The following TNFRSF11B variants were observed in gnomAD, a reference collection of about 807,000 sequenced individuals.
TNFRSF11B encodes the protein TNF receptor superfamily member 11b.
TNFRSF11B carries 16 observed loss-of-function variants against 43.4 expected under a neutral mutation model. That is an observed-to-expected ratio of 0.37 (90% CI 0.25 to 0.56). The LOEUF (loss-of-function observed/expected upper bound fraction) is 0.56. Among genes scored for constraint, TNFRSF11B ranks in the 20% least tolerant of loss-of-function variants. TNFRSF11B has a pLI of 0.80. For missense variants in TNFRSF11B, 444 were observed against 490.1 expected, an observed-to-expected ratio of 0.91 and a Z score of 0.89; for synonymous variants, 185 against 181.8, an observed-to-expected ratio of 1.02 and a Z score of -0.14.
At chr8:118,946,980 A>G (rs762055492) in intron 1 of TNFRSF11B, among the ~76,000 whole-genome samples, 18 of 152,174 alleles carry the variant, frequency 1.2e-4, no homozygotes, top group Non-Finnish European at 1.9e-4. Context: ...CACAGTCCCA[A>G]CTGGATGGGA....
intron 1 of TNFRSF11B, among the ~76,000 whole-genome samples, chr8:118,945,574 C>T (rs1357032889): frequency 6.6e-6 from 1 of 152,088 alleles, no homozygotes; most frequent in East Asian, 1.9e-4. Context: ...AGTATTGTCA[C>T]CATGACCCAC....
chr8:118,928,706 T>G, intron 3 of TNFRSF11B, 32 bp downstream of exon 3: 4 of 1,610,322 alleles, frequency 2.5e-6, no homozygotes, highest in Non-Finnish European at 3.4e-6. Flanking sequence ...TACTACAAAA[T>G]CGTACAAAGA....
chr8:118,940,139 T>C (rs1052016194), intron 1 of TNFRSF11B, among the ~76,000 whole-genome samples: 5 of 152,066 alleles, frequency 3.3e-5, no homozygotes, highest in African/African-American at 2.4e-5. Flanking sequence ...ATGAGATTAC[T>C]TGGACACAGG....
chr8:118,951,794 CG>C lies in TNFRSF11B; in HGVS notation c.27del (p.Val10CysfsTer41). MNNLLCCA[L>X]VFLDISIKWT... The stretch of plus-strand genomic sequence containing the variant: ...CGTCGGCTGGCCCAGGGACTTACCA[CG>C]AGCGCGCAGCACAGCAAGTTGTTCA... On this transcript the variant is annotated frameshift_variant, in exon 1 of 5. Coordinates refer to ENST00000297350, the MANE Select transcript of TNFRSF11B (RefSeq NM_002546.4). LOFTEE classifies it high-confidence loss of function. 1 of 1,592,242 alleles carries C rather than the reference CG, an allele frequency of 6.3e-7. No individual in the cohort carries two copies. The highest frequency in any genetic ancestry group is 8.5e-7 in the Non-Finnish European group (1 of 1,169,596).
intron 2 of TNFRSF11B, 55 bp downstream of exon 2, chr8:118,932,876 A>G: frequency 1.2e-6 from 2 of 1,610,640 alleles, no homozygotes; most frequent in South Asian, 2.2e-5. Flanking sequence ...CTAAACTGTC[A>G]CAACTATCTG....
At chr8:118,928,424 C>T (rs1372992618) in intron 3 of TNFRSF11B, among the ~76,000 whole-genome samples, 1 of 152,178 alleles carries the variant, frequency 6.6e-6, no homozygotes, top group African/African-American at 2.4e-5. Flanking sequence ...AACTTGAATT[C>T]TACAGTTTGG....
intron 3 of TNFRSF11B, among the ~76,000 whole-genome samples, chr8:118,928,012 A>ATGTG (rs58489703): frequency 0.048 from 6,951 of 145,204 alleles, 199 homozygotes; most frequent in African/African-American, 0.075. Flanking sequence ...CACATTTCTA[A>ATGTG]TGTGTGTGTG....
chr8:118,943,659 GAAATATGGTATGTAAGGTCCAAATAC>G (rs1812519238), intron 1 of TNFRSF11B, among the ~76,000 whole-genome samples: 1 of 152,120 alleles, frequency 6.6e-6, no homozygotes. Context: ...AAAATTAAGT[GAAATATGGTATGTAAGGTCCAAATAC>G]AGTACCTATT....
chr8:118,926,929 G>A (rs1812253688), intron 3 of TNFRSF11B, among the ~76,000 whole-genome samples: 1 of 152,056 alleles, frequency 6.6e-6, no homozygotes, highest in African/African-American at 2.4e-5. Context: ...GTTCTTTTTT[G>A]GGCATTGTTT....
In TNFRSF11B at chr8:118,923,594, A is replaced by G. The variant is rs956016027; in HGVS notation, c.*780T>C. ...TGAAAACTTTAATAATGTCATTTATATAGTTATAAAACCATAAAATCTTTT... is the reference window on the plus strand; with the variant it reads ...TGAAAACTTTAATAATGTCATTTATGTAGTTATAAAACCATAAAATCTTTT... On this transcript the variant is annotated 3_prime_UTR_variant, in exon 5 of 5. Transcript: ENST00000297350. 8 of 152,680 alleles carry G rather than the reference A, an allele frequency of 5.2e-5. No homozygotes were observed. The highest frequency in any genetic ancestry group is 9.6e-5 in the African/African-American group (4 of 41,482). The allele number at this position is 152,680 out of a possible 1,614,324, so 9.5% of individuals were successfully genotyped here.
intron 4 of TNFRSF11B, 120 bp from the exon 5 acceptor site, chr8:118,924,882 C>T (rs1812227736): frequency 7.7e-7 from 1 of 1,292,100 alleles, no homozygotes; most frequent in Admixed American, 2.0e-5. Context: ...TCAATGATAA[C>T]CTTTTCTTTT....
chr8:118,951,694 T>G (rs891834057), intron 1 of TNFRSF11B, 98 bp downstream of exon 1: 1 of 1,213,366 alleles, frequency 8.2e-7, no homozygotes, highest in Admixed American at 2.0e-5. Context: ...AGGGAGCGAG[T>G]GGAGCCTTCT....
At position 118,924,819 on chromosome 8, in the gene TNFRSF11B, A is replaced by G. The variant is rs1376088877; in HGVS notation, c.818-57T>C. On this transcript the variant is annotated intron_variant, in intron 4 of 4. Transcript: ENST00000297350. ...ACATCATTTATATTCATCCAATGCC[A>G]TCATAAAACAAGCGTGAGGCAAAAG... 4.5e-5 allele frequency: 72 copies of G among 1,608,354 alleles called. No homozygotes were observed. The Admixed American group carries it at 1.1e-3, about 23-fold the overall frequency.
Position 118,924,226 on chromosome 8 carries a change from A to G in TNFRSF11B, c.*148T>C. 2.5e-6 allele frequency: 2 copies of G among 815,430 alleles called. No individual in the cohort carries two copies. The highest frequency in any genetic ancestry group is 1.5e-5 in the South Asian group (1 of 66,524). 50.5% of individuals were successfully genotyped at this position (815,430 alleles called of 1,614,324 possible). On this transcript the variant is annotated 3_prime_UTR_variant, in exon 5 of 5. Transcript: ENST00000297350. ...TGGAGGAGATGTTAGTCCTTTCTCC[A>G]CATCATAGTTTCTTTTAGTACCCTG... is the stretch of plus-strand genomic sequence containing the variant.
At chr8:118,951,077 T>G (rs1812636908) in intron 1 of TNFRSF11B, among the ~76,000 whole-genome samples, 1 of 152,218 alleles carries the variant, frequency 6.6e-6, no homozygotes, top group Admixed American at 6.5e-5. Flanking sequence ...TCACAGAGAT[T>G]CCTTTCTTTT....
At position 118,924,303 on chromosome 8, in the gene TNFRSF11B, G is replaced by A. The variant is rs1048598092; in HGVS notation, c.*71C>T. On this transcript the variant is annotated 3_prime_UTR_variant, in exon 5 of 5. Coordinates refer to ENST00000297350, the MANE Select transcript of TNFRSF11B (RefSeq NM_002546.4). ...AAAGATATCACTGAAAGCCTCAAGT[G>A]CCTGAGAAACAGTTTACTCATCCAT... 2.6e-6 allele frequency: 4 copies of A among 1,564,232 alleles called. No individual in the cohort carries two copies. Among genetic ancestry groups the A allele is most frequent in the Non-Finnish European group, 2.6e-6 (3 of 1,138,920 alleles).
In TNFRSF11B at chr8:118,932,998, G is replaced by A. The variant is rs1812349984; in HGVS notation, c.333C>T (p.Arg111=). The A allele has an allele frequency of 1.2e-6, 2 of 1,614,044 alleles. No individual in the cohort carries two copies. Among genetic ancestry groups the A allele is most frequent in the African/African-American group, 1.3e-5 (1 of 74,938 alleles). ...HNRVCECKEG[R]YLEIEFCLKH... ...TCAAGCAGAACTCTATCTCAAGGTAGCGCCCTTCCTTGCATTCGCACACGC... is the reference window on the plus strand; with the variant it reads ...TCAAGCAGAACTCTATCTCAAGGTAACGCCCTTCCTTGCATTCGCACACGC... Residue 111 remains arginine (R), a synonymous_variant, in exon 2 of 5, where the codon CGC becomes CGT. Transcript: ENST00000297350.
rs1812353647 is a variant in TNFRSF11B at position 118,933,211 on chromosome 8, C to T, written c.120G>A (p.Leu40=). The T allele has an allele frequency of 6.2e-7, 1 of 1,614,186 alleles. No homozygotes were observed. Among genetic ancestry groups the T allele is most frequent in the Middle Eastern group, 1.6e-4 (1 of 6,062 alleles). Residue 40 remains leucine, a synonymous_variant, in exon 2 of 5, where the codon TTG becomes TTA. Coordinates refer to ENST00000297350, the MANE Select transcript of TNFRSF11B (RefSeq NM_002546.4). The stretch of plus-strand genomic sequence containing the variant: ...AGGTACCAGGAGGACATTTGTCACA[C>T]AACAGCTGATGAGAGGTTTCTTCGT... ...HYDEETSHQL[L]CDKCPPGTYL... is the part of the protein sequence containing the mutation.
At chr8:118,942,618 A>G (rs1322622379) in intron 1 of TNFRSF11B, among the ~76,000 whole-genome samples, 1 of 152,106 alleles carries the variant, frequency 6.6e-6, no homozygotes, top group East Asian at 1.9e-4. Flanking sequence ...GGGGCTATAT[A>G]CTCAGCCCTT....
Sources: gnomAD v4.1 joint callset for allele counts (sites outside exome capture counted in the v4.1 genomes callset) on GRCh38, gnomAD v4.1.1 for gene constraint, MANE v1.5 for transcripts, NCBI Gene and HGNC (gene_info 2026-07-23, HGNC 2026-07-21) for gene names.